Variants in DCC observed in about 807,000 individuals in gnomAD.
DCC encodes netrin receptor DCC.
In DCC, 58 loss-of-function variants were observed where a neutral mutation model predicts 172.5. The observed-to-expected ratio is 0.34, with a 90% CI of 0.27 to 0.42. The LOEUF is 0.42. Among genes scored for constraint, DCC ranks in the 10% least tolerant of loss-of-function variants. The probability of loss-of-function intolerance (pLI) is 1.00; values close to 1 mark genes in which losing one functional copy is unlikely to be tolerated. For synonymous variants in DCC, 709 were observed against 644.5 expected, an observed-to-expected ratio of 1.10 and a Z score of -1.52; for missense variants, 1,740 against 1,791.0, an observed-to-expected ratio of 0.97 and a Z score of 0.51.
intron 1 of DCC, among the ~76,000 whole-genome samples, chr18:52,698,262 G>A (rs897099762): frequency 6.6e-6 from 1 of 152,174 alleles, no homozygotes; most frequent in Non-Finnish European, 1.5e-5. Flanking sequence ...GAAAAGACCT[G>A]CCATTTTTAC....
At chr18:53,171,320 C>G (rs975359679) in intron 8 of DCC, among the ~76,000 whole-genome samples, 1 of 152,132 alleles carries the variant, frequency 6.6e-6, no homozygotes, top group Non-Finnish European at 1.5e-5. Context: ...CAGTGATCAA[C>G]CCAGGGCAGA....
intron 5 of DCC, among the ~76,000 whole-genome samples, chr18:53,056,702 G>A (rs529209742): frequency 1.3e-5 from 2 of 151,938 alleles, no homozygotes; most frequent in African/African-American, 4.8e-5. Context: ...AAGTCCAAAG[G>A]CACATGGCTC....
At chr18:52,862,205 A>G in intron 2 of DCC, among the ~76,000 whole-genome samples, 1 of 152,142 alleles carries the variant, frequency 6.6e-6, no homozygotes, top group Non-Finnish European at 1.5e-5. Flanking sequence ...TTGGGCTTCC[A>G]GGAGTTCTTT....
intron 2 of DCC, among the ~76,000 whole-genome samples, chr18:52,819,913 G>A (rs887744140): frequency 6.6e-6 from 1 of 151,878 alleles, no homozygotes; most frequent in African/African-American, 2.4e-5. Context: ...GTAGAGATGG[G>A]GTTTCACCGT....
chr18:53,167,774 A>C (rs1367986918), intron 8 of DCC, among the ~76,000 whole-genome samples: 1 of 152,200 alleles, frequency 6.6e-6, no homozygotes, highest in Admixed American at 6.5e-5. Context: ...TACATAATAC[A>C]CTAGATGTAT....
chr18:53,111,071 A>G (rs1298893267), intron 7 of DCC, among the ~76,000 whole-genome samples: 1 of 148,750 alleles, frequency 6.7e-6, no homozygotes, highest in Non-Finnish European at 1.5e-5. Context: ...ATGCAGCCAT[A>G]AAAAATGATG....
chr18:53,208,785 A>C (rs1271037615), intron 11 of DCC, among the ~76,000 whole-genome samples: 1 of 152,134 alleles, frequency 6.6e-6, no homozygotes, highest in Non-Finnish European at 1.5e-5. Context: ...GTTGGCATGC[A>C]GTGGTGCAGT....
chr18:53,424,558 G>A (rs1910801486), intron 21 of DCC, among the ~76,000 whole-genome samples: 2 of 152,134 alleles, frequency 1.3e-5, no homozygotes, highest in South Asian at 4.1e-4. Context: ...ATCATTGTGG[G>A]CTGGATTAGA....
intron 10 of DCC, 73 bp from the exon 11 acceptor site, chr18:53,207,606 A>T: frequency 7.2e-7 from 1 of 1,379,804 alleles, no homozygotes; most frequent in Non-Finnish European, 1.0e-6. Context: ...CAATTCACTG[A>T]TTGCACAGAA....
rs191614843 is a variant in DCC at position 52,843,082 on chromosome 18, C to T, written c.413-62962C>T. 1.5e-3 allele frequency among the ~76,000 whole-genome samples: 224 copies of T among 152,160 alleles called. 1 individual carries two copies. Among genetic ancestry groups the T allele is most frequent in the African/African-American group, 5.1e-3 (213 of 41,520 alleles). On this transcript the variant is annotated intron_variant, in intron 2 of 28. Coordinates refer to ENST00000442544, the MANE Select transcript of DCC (RefSeq NM_005215.4). ...AGGATTTGAGTTATAAATGTTACAG[C>T]CTTTACTGTATGGATAGTAAGATTT...
At chr18:52,862,852 C>A in intron 2 of DCC, among the ~76,000 whole-genome samples, 1 of 152,214 alleles carries the variant, frequency 6.6e-6, no homozygotes, top group East Asian at 1.9e-4. Context: ...TCTTCCCTCT[C>A]TTTTATTTCT....
chr18:52,481,961 G>A (rs1361175649), intron 1 of DCC, among the ~76,000 whole-genome samples: 2 of 151,696 alleles, frequency 1.3e-5, no homozygotes, highest in African/African-American at 4.8e-5. Context: ...CTTTCCAGAG[G>A]ATCCATTTGA....
chr18:53,420,000 C>T lies in DCC; in HGVS notation c.3163+3844C>T, dbSNP rs1456387161. On this transcript the variant is annotated intron_variant, in intron 21 of 28. Coordinates refer to ENST00000442544, the MANE Select transcript of DCC (RefSeq NM_005215.4). ...TCCTGAGTAACTGGGATTACAAGTGCGTGCCACCACACCTGGCTAATTTTT... is the reference window on the plus strand; with the variant it reads ...TCCTGAGTAACTGGGATTACAAGTGTGTGCCACCACACCTGGCTAATTTTT... Among the ~76,000 whole-genome samples, 5 of 152,128 alleles carry T rather than the reference C, an allele frequency of 3.3e-5. No homozygotes were observed. In the East Asian group the frequency reaches 7.7e-4, roughly 24 times the overall value.
At position 53,428,976 on chromosome 18, in the gene DCC, T is replaced by TATATATATTTTATATATTTTTTATATA. The variant is rs1225648700; in HGVS notation, c.3164-6123_3164-6097dup. ...AACATATTATATTTTATATATAACA[T>TATATATATTTTATATATTTTTTATATA]ATATATATTTTATATATTTTTTATA... On this transcript the variant is annotated intron_variant, in intron 21 of 28. Coordinates refer to ENST00000442544, the MANE Select transcript of DCC (RefSeq NM_005215.4). Among the ~76,000 whole-genome samples, 88 of 69,170 alleles carry TATATATATTTTATATATTTTTTATATA rather than the reference T, an allele frequency of 1.3e-3. 7 individuals are homozygous for TATATATATTTTATATATTTTTTATATA. The highest frequency in any genetic ancestry group is 3.5e-3 in the African/African-American group (64 of 18,420). The allele number at this position is 69,170 out of a possible 152,430, so 45.4% of individuals were successfully genotyped here.
At chr18:52,954,269 A>C (rs2040705498) in intron 5 of DCC, among the ~76,000 whole-genome samples, 1 of 152,176 alleles carries the variant, frequency 6.6e-6, no homozygotes, top group African/African-American at 2.4e-5. Context: ...AATATATATA[A>C]CAATTTTCAG....
At chr18:53,228,522 G>T (rs571520901) in intron 12 of DCC, among the ~76,000 whole-genome samples, 2 of 152,164 alleles carry the variant, frequency 1.3e-5, no homozygotes, top group African/African-American at 4.8e-5. Flanking sequence ...AGCAATCAGT[G>T]AGCAACTGGC....
intron 1 of DCC, among the ~76,000 whole-genome samples, chr18:52,701,504 A>G (rs2036122139): frequency 6.6e-6 from 1 of 152,216 alleles, no homozygotes; most frequent in South Asian, 2.1e-4. Flanking sequence ...AAATGCAATA[A>G]CAAACATATT....
intron 2 of DCC, among the ~76,000 whole-genome samples, chr18:52,757,778 C>T (rs1357013870): frequency 6.6e-6 from 1 of 152,098 alleles, no homozygotes; most frequent in Non-Finnish European, 1.5e-5. Context: ...CTATACATTA[C>T]CTTGTAATGC....
At chr18:52,642,765 G>A (rs571740669) in intron 1 of DCC, among the ~76,000 whole-genome samples, 252 of 152,252 alleles carry the variant, frequency 1.7e-3, no homozygotes, top group African/African-American at 5.9e-3. Flanking sequence ...CTGGGTTGAG[G>A]CAATCATCCC....
Sources: allele counts gnomAD v4.1 joint callset (sites outside exome capture counted in the v4.1 genomes callset), GRCh38; gene constraint gnomAD v4.1.1; transcripts MANE v1.5; gene names NCBI Gene and HGNC (gene_info 2026-07-23, HGNC 2026-07-21).